The following STAB2 variants were observed in gnomAD, a reference collection of about 807,000 sequenced individuals.
STAB2 encodes stabilin 2, also known as stabilin-2.
STAB2 carries 288 observed loss-of-function variants against 338.1 expected under a neutral mutation model. That is an observed-to-expected ratio of 0.85 (90% CI 0.77 to 0.94). The LOEUF (loss-of-function observed/expected upper bound fraction) is 0.94, where lower values mean the gene tolerates loss of function less well. Among genes scored for constraint, STAB2 ranks in the 40% least tolerant of loss-of-function variants. STAB2 has a pLI of 0.00. For synonymous variants in STAB2, 1,202 were observed against 1,193.3 expected, an observed-to-expected ratio of 1.01 and a Z score of -0.15; for missense variants, 3,141 against 3,210.1, an observed-to-expected ratio of 0.98 and a Z score of 0.52.
At chr12:103,765,086 CAAAAAAAAAAAAAAA>C (rs56002429) in intron 68 of STAB2, among the ~76,000 whole-genome samples, 1 of 66,546 alleles carries the variant, frequency 1.5e-5, no homozygotes, top group Non-Finnish European at 2.8e-5. Context: ...GACTCTGTCT[CAAAAAAAAAAAAAAA>C]AAAAAAAAAA....
At chr12:103,746,414 A>G in intron 57 of STAB2, 183 bp from the exon 58 acceptor site, 2 of 594,286 alleles carry the variant, frequency 3.4e-6, no homozygotes, top group East Asian at 2.8e-5. Context: ...ATAAAAGAGT[A>G]ATTCTAGAAT....
chr12:103,706,824 C>A lies in STAB2; in HGVS notation c.4029C>A (p.Pro1343=), dbSNP rs2138982660. The change falls in exon 38 of 69, where the codon CCC becomes CCA. Residue 1343 remains proline (P), a synonymous_variant. Transcript: ENST00000388887. ...AATGCTGTGCCGGCTTCTTTGGCCC[C>A]CAATGCCAGCCCTGCCCAGGGAATG... ...TRECCAGFFG[P]QCQPCPGNAQ... is the part of the protein sequence containing the mutation. The A allele has an allele frequency of 3.1e-6, 5 of 1,614,252 alleles. No homozygotes were observed. The highest frequency in any genetic ancestry group is 4.2e-6 in the Non-Finnish European group (5 of 1,180,048).
chr12:103,594,174 C>G (rs79031746), intron 2 of STAB2, among the ~76,000 whole-genome samples: 2,950 of 152,188 alleles, frequency 0.019, 33 homozygotes, highest in Non-Finnish European at 0.033. Flanking sequence ...TAGATATTTC[C>G]CCCGTATGTT....
chr12:103,762,880 A>G (rs1179496240), intron 67 of STAB2, among the ~76,000 whole-genome samples: 1 of 152,194 alleles, frequency 6.6e-6, no homozygotes, highest in African/African-American at 2.4e-5. Flanking sequence ...CCACATCCCA[A>G]TCAGCAGCCA....
At chr12:103,733,745 GATC>G (rs1338443425) in intron 51 of STAB2, among the ~76,000 whole-genome samples, 2 of 151,884 alleles carry the variant, frequency 1.3e-5, no homozygotes, top group Non-Finnish European at 2.9e-5. Flanking sequence ...GAATAAGCAT[GATC>G]ATATAGGAAC....
chr12:103,598,755 T>G (rs1956913145), intron 3 of STAB2, among the ~76,000 whole-genome samples: 1 of 152,192 alleles, frequency 6.6e-6, no homozygotes, highest in South Asian at 2.1e-4. Flanking sequence ...CTACCTTTTC[T>G]CCCAAGTTCC....
chr12:103,692,734 C>T, intron 30 of STAB2, 78 bp from the exon 31 acceptor site: 5 of 1,236,980 alleles, frequency 4.0e-6, no homozygotes, highest in South Asian at 3.9e-5. Flanking sequence ...GCTCAAAAAG[C>T]AGAAACCCCA....
chr12:103,707,739 C>T (rs1879489793), intron 38 of STAB2, among the ~76,000 whole-genome samples: 1 of 152,176 alleles, frequency 6.6e-6, no homozygotes, highest in Non-Finnish European at 1.5e-5. Flanking sequence ...ATACAGTTCA[C>T]TTGGCTATCA....
chr12:103,761,410 G>C lies in STAB2; in HGVS notation c.7359G>C (p.Val2453=). 6.2e-7 allele frequency: 1 copy of C among 1,613,142 alleles called. No individual in the cohort carries two copies. The highest frequency in any genetic ancestry group is 1.1e-5 in the South Asian group (1 of 91,024). ...SRPLKAPPAP[V]TLTHTGLGAG... ...CTTTAAAAGCACCCCCTGCCCCCGT[G>C]GTGAGTATCTAGGGTCCCTGATAAC... The change falls in exon 66 of 69, where the codon GTG becomes GTC. Residue 2453 remains valine, a splice_region_variant and synonymous_variant. Transcript: ENST00000388887.
chr12:103,594,741 A>C (rs530491737), intron 3 of STAB2, among the ~76,000 whole-genome samples: 2 of 152,356 alleles, frequency 1.3e-5, no homozygotes, highest in South Asian at 4.1e-4. Flanking sequence ...AAGCCAGAAA[A>C]AGGGACAATT....
At chr12:103,655,632 G>A (rs1265533809) in intron 15 of STAB2, 51 bp downstream of exon 15, 2 of 1,604,302 alleles carry the variant, frequency 1.2e-6, no homozygotes, top group Non-Finnish European at 1.7e-6. Context: ...CACTGCCTCA[G>A]TCTGTGTCTA....
chr12:103,729,145 T>C (rs1363044069), intron 48 of STAB2, 150 bp downstream of exon 48: 1 of 723,968 alleles, frequency 1.4e-6, no homozygotes, highest in Non-Finnish European at 2.3e-6. Context: ...GGGAGCTAAA[T>C]AATGAGAATT....
At chr12:103,691,341 C>A (rs1877918816) in intron 30 of STAB2, among the ~76,000 whole-genome samples, 2 of 152,188 alleles carry the variant, frequency 1.3e-5, no homozygotes, top group Non-Finnish European at 2.9e-5. Context: ...AGTGTGAGCA[C>A]TATGAAAAAG....
intron 5 of STAB2, among the ~76,000 whole-genome samples, chr12:103,627,954 A>ATAC (rs2138655619): frequency 6.6e-6 from 1 of 152,266 alleles, no homozygotes; most frequent in African/African-American, 2.4e-5. Flanking sequence ...CTAGTGCCTA[A>ATAC]TACAGTGCCT....
chr12:103,686,926 C>T (rs1030890381), intron 27 of STAB2, among the ~76,000 whole-genome samples: 2 of 152,200 alleles, frequency 1.3e-5, no homozygotes, highest in African/African-American at 4.8e-5. Context: ...CTCAGCCCTC[C>T]TCTCCCTTAA....
chr12:103,722,359 C>G (rs1880836780), intron 44 of STAB2, among the ~76,000 whole-genome samples: 1 of 152,178 alleles, frequency 6.6e-6, no homozygotes, highest in South Asian at 2.1e-4. Context: ...GTTGAGATGT[C>G]ACCTATGTTG....
At chr12:103,677,704 T>TA in intron 25 of STAB2, 93 bp downstream of exon 25, 1 of 1,451,934 alleles carries the variant, frequency 6.9e-7, no homozygotes, top group Non-Finnish European at 9.2e-7. Flanking sequence ...GGCTAGAACT[T>TA]ACTGCAGCTT....
chr12:103,648,142 A>C (rs1354881237), intron 9 of STAB2, among the ~76,000 whole-genome samples: 7 of 152,324 alleles, frequency 4.6e-5, no homozygotes, highest in Admixed American at 1.3e-4. Context: ...ATGTGGTTTC[A>C]TGAGAGTATA....
chr12:103,766,521 A>G lies in STAB2; in HGVS notation c.*185A>G. On this transcript the variant is annotated 3_prime_UTR_variant, in exon 69 of 69. Transcript: ENST00000388887. ...AGATGTGTTGCTGTGCCCACCCAGTACAGCTTCCTCCTCTGACCCTTTGGC... is the reference window on the plus strand; with the variant it reads ...AGATGTGTTGCTGTGCCCACCCAGTGCAGCTTCCTCCTCTGACCCTTTGGC... The G allele has an allele frequency of 1.6e-6, 1 of 630,614 alleles. No individual in the cohort carries two copies. Among genetic ancestry groups the G allele is most frequent in the East Asian group, 2.9e-5 (1 of 34,724 alleles). 39.1% of individuals were successfully genotyped at this position (630,614 alleles called of 1,614,324 possible). A position where few individuals can be genotyped will look rare whatever the true frequency, so the allele number is the denominator to read the frequency against.
Sources: gnomAD v4.1 joint callset for allele counts (sites outside exome capture counted in the v4.1 genomes callset) on GRCh38, gnomAD v4.1.1 for gene constraint, MANE v1.5 for transcripts, NCBI Gene and HGNC (gene_info 2026-07-23, HGNC 2026-07-21) for gene names.